The following AK9 variants were observed in gnomAD, a reference collection of about 807,000 sequenced individuals.
AK9 encodes the protein adenylate kinase 9.
Under a neutral mutation model 239.6 loss-of-function variants are expected in AK9, and 191 were observed. The observed-to-expected ratio is 0.80, with a 90% confidence interval of 0.71 to 0.90. The LOEUF is 0.90. Among genes scored for constraint, AK9 ranks in the 40% least tolerant of loss-of-function variants. AK9 has a pLI of 0.00. For missense variants in AK9, 1,995 were observed against 2,214.7 expected (o/e 0.90, Z 1.99); for synonymous variants, 689 against 721.0 (o/e 0.96, Z 0.71).
intron 27 of AK9, among the ~76,000 whole-genome samples, 200 bp from the exon 28 acceptor site, chr6:109,533,670 T>C (rs1051953406): frequency 1.3e-5 from 2 of 152,202 alleles, no homozygotes; most frequent in Non-Finnish European, 2.9e-5. Context: ...ATCAACTATC[T>C]GTATGTAATG....
Position 109,544,034 on chromosome 6 carries a change from G to A in AK9, c.3225+1833C>T, listed in dbSNP as rs376943518. ...CTTAGGAGGCTGAGGTGAGAGGATC[G>A]CTTGAGCCCAGGAGTCAGAGGTTGC... On this transcript the variant is annotated intron_variant, in intron 26 of 40. Coordinates refer to ENST00000424296, the MANE Select transcript of AK9 (RefSeq NM_001145128.3). Among the ~76,000 whole-genome samples, 77 of 152,110 alleles carry A rather than the reference G, an allele frequency of 5.1e-4. 5 individuals carry two copies. The highest frequency in any genetic ancestry group is 2.0e-3 in the East Asian group (10 of 5,072).
chr6:109,557,445 C>A (rs1785144686), intron 24 of AK9, among the ~76,000 whole-genome samples: 1 of 152,104 alleles, frequency 6.6e-6, no homozygotes, highest in South Asian at 2.1e-4. Flanking sequence ...GTCTAACAAC[C>A]CCTGTTAGAG....
At chr6:109,661,445 T>TG (rs5879035) in intron 6 of AK9, among the ~76,000 whole-genome samples, 31,562 of 152,144 alleles carry the variant, frequency 0.21, 3,462 homozygotes, top group South Asian at 0.34. Context: ...AGTAAGCATT[T>TG]GGGGTCTTCT....
At chr6:109,599,022 G>C (rs1791505441) in intron 17 of AK9, among the ~76,000 whole-genome samples, 1 of 152,184 alleles carries the variant, frequency 6.6e-6, no homozygotes, top group Non-Finnish European at 1.5e-5. Flanking sequence ...CATTCTGTAG[G>C]TTGCCTGTTC....
chr6:109,652,548 A>G (rs1298993372), intron 8 of AK9, among the ~76,000 whole-genome samples: 1 of 152,228 alleles, frequency 6.6e-6, no homozygotes, highest in Non-Finnish European at 1.5e-5. Context: ...TAATGGTTTT[A>G]TAAGATTATG....
At chr6:109,660,484 C>T (rs1367390068) in intron 6 of AK9, among the ~76,000 whole-genome samples, 1 of 152,142 alleles carries the variant, frequency 6.6e-6, no homozygotes, top group African/African-American at 2.4e-5. Context: ...ACCTTCATTG[C>T]TCATTTTCTG....
intron 27 of AK9, among the ~76,000 whole-genome samples, chr6:109,535,273 T>C (rs1781826429): frequency 6.6e-6 from 1 of 152,220 alleles, no homozygotes; most frequent in African/African-American, 2.4e-5. Context: ...ACCTGTTGTT[T>C]CCTGACCTTT....
intron 24 of AK9, among the ~76,000 whole-genome samples, chr6:109,554,525 C>CTTTT (rs3060760): frequency 7.8e-4 from 60 of 77,364 alleles, no homozygotes; most frequent in Middle Eastern, 0.017. Context: ...TATTTCTTTT[C>CTTTT]TTTTTTTTTT....
At chr6:109,601,805 G>C (rs1792018512) in intron 17 of AK9, among the ~76,000 whole-genome samples, 1 of 148,850 alleles carries the variant, frequency 6.7e-6, no homozygotes, top group African/African-American at 2.5e-5. Context: ...AGCTCTTCTT[G>C]TTGAATTGAT....
chr6:109,584,928 A>G (rs1448424404), intron 19 of AK9, among the ~76,000 whole-genome samples, 195 bp downstream of exon 19: 1 of 152,108 alleles, frequency 6.6e-6, no homozygotes, highest in Non-Finnish European at 1.5e-5. Context: ...GCTGGGAAAA[A>G]ATCACAACTG....
At chr6:109,573,250 G>A (rs1352758881) in intron 21 of AK9, among the ~76,000 whole-genome samples, 192 bp downstream of exon 21, 5 of 101,124 alleles carry the variant, frequency 4.9e-5, no homozygotes, top group African/African-American at 1.4e-4. Context: ...TGCCAGTGCT[G>A]GGGCAGAGCA....
chr6:109,570,236 C>G (rs1018119656), intron 21 of AK9, among the ~76,000 whole-genome samples: 2 of 151,714 alleles, frequency 1.3e-5, no homozygotes, highest in Non-Finnish European at 2.9e-5. Flanking sequence ...ACAATGAGAA[C>G]ACTTGGACAC....
chr6:109,610,488 C>T lies in AK9; in HGVS notation c.1719G>A (p.Glu573=). ...CAACCTCTGGATGATCTGCAGTTAC[C>T]TCTTCTATCAAGTCTTCTGTTGGGG... The part of the protein sequence containing the change: ...DTAPTEDLIE[E]VTADHPEVVT... Residue 573 remains glutamate, a synonymous_variant, in exon 17 of 41, where the codon GAG becomes GAA. Coordinates refer to ENST00000424296, the MANE Select transcript of AK9 (RefSeq NM_001145128.3). 1 of 1,551,276 alleles carries T rather than the reference C, an allele frequency of 6.4e-7. No homozygotes were observed. The highest frequency in any genetic ancestry group is 1.2e-5 in the South Asian group (1 of 84,030).
chr6:109,628,123 G>A (rs1326073654), intron 12 of AK9, among the ~76,000 whole-genome samples: 1 of 152,130 alleles, frequency 6.6e-6, no homozygotes, highest in Non-Finnish European at 1.5e-5. Context: ...ACACCCAAGG[G>A]ATGGCCTTTA....
chr6:109,677,135 TG>T (rs145666520), intron 1 of AK9, among the ~76,000 whole-genome samples: 3,690 of 152,194 alleles, frequency 0.024, 91 homozygotes, highest in East Asian at 0.11. Flanking sequence ...AACTACCTAT[TG>T]GGTACTATGC....
intron 12 of AK9, among the ~76,000 whole-genome samples, chr6:109,620,342 T>C (rs540657443): frequency 3.7e-4 from 56 of 152,286 alleles, no homozygotes; most frequent in South Asian, 1.0e-3. Flanking sequence ...TTAAATTTTC[T>C]AGTGGGTGTG....
At position 109,524,649 on chromosome 6, in the gene AK9, T is replaced by C. The variant is rs114667361; in HGVS notation, c.3633+4362A>G. Among the ~76,000 whole-genome samples the C allele has an allele frequency of 5.0e-3, 756 of 152,318 alleles. 7 individuals carry two copies. The highest frequency in any genetic ancestry group is 0.037 in the Middle Eastern group (11 of 294). On this transcript the variant is annotated intron_variant, in intron 29 of 40. Transcript: ENST00000424296. ...AATGAATGAAGAACATCAGAAATAGTAAATATCTGGATAAATGGAAAACAA... is the reference window on the plus strand; with the variant it reads ...AATGAATGAAGAACATCAGAAATAGCAAATATCTGGATAAATGGAAAACAA...
intron 17 of AK9, among the ~76,000 whole-genome samples, chr6:109,603,444 GA>G (rs1390334732): frequency 6.6e-6 from 1 of 152,198 alleles, no homozygotes; most frequent in African/African-American, 2.4e-5. Flanking sequence ...CTTCGTCTCA[GA>G]GGGGTACCTG....
Position 109,579,576 on chromosome 6 carries a change from A to G in AK9, c.2165T>C (p.Leu722Pro), listed in dbSNP as rs1023132467. 23 of 1,551,480 alleles carry G rather than the reference A, an allele frequency of 1.5e-5. No individual in the cohort carries two copies. The highest frequency in any genetic ancestry group is 2.0e-5 in the Non-Finnish European group (23 of 1,146,870). Residue 722 changes from leucine (L) to proline (P), a missense_variant, in exon 20 of 41, where the codon CTG becomes CCG. By Grantham distance (98) the Leu-to-Pro change is moderately conservative (BLOSUM62 -3). Transcript: ENST00000424296. Reference sequence around the variant, plus strand: ...TTTTGCCTTCACTTTCATAAGTTCCAGTAGCCTTCGATTTTCTTCTTCGAG... The same window carrying G: ...TTTTGCCTTCACTTTCATAAGTTCCGGTAGCCTTCGATTTTCTTCTTCGAG... ...LRLEEENRRL[L>P]ELMKVKAKEA...
Sources: allele counts gnomAD v4.1 joint callset (sites outside exome capture counted in the v4.1 genomes callset), GRCh38; gene constraint gnomAD v4.1.1; transcripts MANE v1.5; gene names NCBI Gene and HGNC (gene_info 2026-07-23, HGNC 2026-07-21).